NPFFR2: variants seen among roughly 807,000 people sequenced by gnomAD.
NPFFR2 encodes the protein G-protein coupled receptor 74.
Under a neutral mutation model 13.1 loss-of-function variants are expected in NPFFR2, and 15 were observed. That is an observed-to-expected ratio of 1.15 (90% CI 0.77 to 1.76). The LOEUF is 1.76. Ranked by LOEUF, NPFFR2 falls within the 40% of genes most tolerant of loss-of-function variation. The pLI is 0.00. For synonymous variants in NPFFR2, 190 were observed against 175.7 expected (o/e 1.08, Z -0.65); for missense variants, 572 against 503.5 (o/e 1.14, Z -1.30).
intron 2 of NPFFR2, among the ~76,000 whole-genome samples, chr4:72,135,868 TATG>T (rs1722393990): frequency 6.6e-6 from 1 of 152,100 alleles, no homozygotes; most frequent in East Asian, 1.9e-4. Flanking sequence ...ATGGGGTACA[TATG>T]ATGTTTTGAT....
Position 72,127,441 on chromosome 4 carries a change from G to C in NPFFR2, c.-7-1144G>C, listed in dbSNP as rs1447879760. Among the ~76,000 whole-genome samples, 4 of 113,056 alleles carry C rather than the reference G, an allele frequency of 3.5e-5. No individual in the cohort carries two copies. In the East Asian group the frequency reaches 1.0e-3, roughly 30 times the overall value. The allele number at this position is 113,056 out of a possible 152,430, so 74.2% of individuals were successfully genotyped here. Reference sequence around the variant, plus strand: ...TGCAGTGGCGCGATCTCGGCTCACTGCAAGCTCCGCCTCCCGGGTTCACGC... The same window carrying C: ...TGCAGTGGCGCGATCTCGGCTCACTCCAAGCTCCGCCTCCCGGGTTCACGC... On this transcript the variant is annotated intron_variant, in intron 1 of 3. Coordinates refer to ENST00000308744, the MANE Select transcript of NPFFR2 (RefSeq NM_004885.3).
At position 72,032,108 on chromosome 4, in the gene NPFFR2, A is replaced by G. The variant is rs148447621; in HGVS notation, c.-100A>G. On this transcript the variant is annotated 5_prime_UTR_variant, in exon 1 of 4. Transcript: ENST00000308744. ...TGGGATTGAGCCGGCAGACTGCGAA[A>G]AGTAGCTGGAGCCGGAGCAGGGACA... 3.4e-5 allele frequency: 55 copies of G among 1,614,076 alleles called. No homozygotes were observed. In the African/African-American group the frequency reaches 7.1e-4, roughly 21 times the overall value.
intron 1 of NPFFR2, among the ~76,000 whole-genome samples, chr4:72,068,394 T>C (rs1023764667): frequency 9.2e-5 from 14 of 152,198 alleles, no homozygotes; most frequent in Non-Finnish European, 1.5e-4. Flanking sequence ...GCTATTTTTA[T>C]AAAAGGCTTA....
intron 3 of NPFFR2, among the ~76,000 whole-genome samples, chr4:72,144,252 AG>A: frequency 6.6e-6 from 1 of 152,266 alleles, no homozygotes; most frequent in Non-Finnish European, 1.5e-5. Context: ...CTCTCCAGCA[AG>A]GCTACTTGAA....
At chr4:72,055,216 A>T (rs142141997) in intron 1 of NPFFR2, among the ~76,000 whole-genome samples, 122 of 152,108 alleles carry the variant, frequency 8.0e-4, no homozygotes, top group Non-Finnish European at 1.4e-3. Flanking sequence ...CCTTGTATTG[A>T]ACAAGGCTAT....
At chr4:72,041,569 T>G (rs1327299860) in intron 1 of NPFFR2, among the ~76,000 whole-genome samples, 3 of 152,208 alleles carry the variant, frequency 2.0e-5, no homozygotes, top group Non-Finnish European at 4.4e-5. Context: ...TTAAGAGATC[T>G]GCAAACTGTT....
At chr4:72,128,262 A>G (rs1285807959) in intron 1 of NPFFR2, among the ~76,000 whole-genome samples, 2 of 152,046 alleles carry the variant, frequency 1.3e-5, no homozygotes, top group Non-Finnish European at 2.9e-5. Context: ...ACCTGGAGGT[A>G]GAGGGAAGGA....
At chr4:72,047,673 C>A (rs769890696) in intron 1 of NPFFR2, among the ~76,000 whole-genome samples, 15 of 151,552 alleles carry the variant, frequency 9.9e-5, no homozygotes, top group Middle Eastern at 3.2e-3. Flanking sequence ...CTGTTAAGCC[C>A]GAATATTGTG....
rs545142110 is a variant in NPFFR2 at position 72,089,186 on chromosome 4, T to G, written c.-7-39399T>G. Among the ~76,000 whole-genome samples the G allele has an allele frequency of 1.2e-3, 187 of 152,276 alleles. 1 individual carries two copies. The highest frequency in any genetic ancestry group is 2.0e-3 in the Non-Finnish European group (134 of 68,004). ...TTGTTCCTTTTTATGGTGAGTAGTA[T>G]TCTATGGTATATATGTACCACATTT... On this transcript the variant is annotated intron_variant, in intron 1 of 3. Coordinates refer to ENST00000308744, the MANE Select transcript of NPFFR2 (RefSeq NM_004885.3).
At chr4:72,111,251 T>C (rs1338109961) in intron 1 of NPFFR2, among the ~76,000 whole-genome samples, 2 of 152,058 alleles carry the variant, frequency 1.3e-5, no homozygotes, top group Non-Finnish European at 2.9e-5. Flanking sequence ...CATGAAATTA[T>C]CAATTGTGCA....
At chr4:72,048,598 T>A (rs867963292) in intron 1 of NPFFR2, among the ~76,000 whole-genome samples, 21 of 152,224 alleles carry the variant, frequency 1.4e-4, no homozygotes, top group African/African-American at 4.3e-4. Context: ...ACATCTATAT[T>A]AACTATTCAC....
At chr4:72,098,669 T>C (rs1434928213) in intron 1 of NPFFR2, among the ~76,000 whole-genome samples, 1 of 152,118 alleles carries the variant, frequency 6.6e-6, no homozygotes, top group East Asian at 1.9e-4. Flanking sequence ...TCATCCAAGT[T>C]GGAGGTGGGC....
At position 72,147,776 on chromosome 4, in the gene NPFFR2, A is replaced by T. The variant is rs531627431; in HGVS notation, c.1227A>T (p.Glu409Asp). ...AEKPQQELVM[E>D]ELKETTNSSE... ...AACCCCAACAGGAATTAGTGATGGAAGAATTAAAAGAAACTACTAACAGCA... is the reference window on the plus strand; with the variant it reads ...AACCCCAACAGGAATTAGTGATGGATGAATTAAAAGAAACTACTAACAGCA... Residue 409 changes from glutamate to aspartate, a missense_variant, in exon 4 of 4, where the codon GAA becomes GAT. Coordinates refer to ENST00000308744, the MANE Select transcript of NPFFR2 (RefSeq NM_004885.3). The T allele has an allele frequency of 6.3e-7, 1 of 1,584,714 alleles. No individual in the cohort carries two copies. Among genetic ancestry groups the T allele is most frequent in the Non-Finnish European group, 8.5e-7 (1 of 1,172,328 alleles).
chr4:72,123,753 G>T (rs1721959130), intron 1 of NPFFR2, among the ~76,000 whole-genome samples: 1 of 152,146 alleles, frequency 6.6e-6, no homozygotes, highest in Admixed American at 6.5e-5. Flanking sequence ...AGATATTGAT[G>T]GAATGTATCT....
intron 1 of NPFFR2, among the ~76,000 whole-genome samples, chr4:72,041,830 T>G (rs967296070): frequency 6.4e-4 from 97 of 152,338 alleles, no homozygotes; most frequent in Non-Finnish European, 2.6e-4. Context: ...TATGTTCACT[T>G]TTTAATGGAG....
At chr4:72,076,509 G>C (rs989166950) in intron 1 of NPFFR2, among the ~76,000 whole-genome samples, 1 of 152,024 alleles carries the variant, frequency 6.6e-6, no homozygotes, top group Non-Finnish European at 1.5e-5. Context: ...GCCCAAGAAA[G>C]ACATCATGAT....
At chr4:72,081,181 C>T (rs1720607150) in intron 1 of NPFFR2, among the ~76,000 whole-genome samples, 1 of 152,184 alleles carries the variant, frequency 6.6e-6, no homozygotes, top group African/African-American at 2.4e-5. Flanking sequence ...AAAGTATCTA[C>T]AGTCCCATTG....
intron 1 of NPFFR2, among the ~76,000 whole-genome samples, chr4:72,086,968 C>G (rs1720789817): frequency 6.6e-6 from 1 of 152,006 alleles, no homozygotes; most frequent in Non-Finnish European, 1.5e-5. Flanking sequence ...TTTGTCAAGT[C>G]TGTAATATCT....
intron 1 of NPFFR2, among the ~76,000 whole-genome samples, chr4:72,055,774 T>TAA (rs1719725884): frequency 1.3e-5 from 2 of 151,882 alleles, no homozygotes; most frequent in Non-Finnish European, 1.5e-5. Context: ...GAAAGCAAAA[T>TAA]AGCTTTATGG....
Sources: gnomAD v4.1 joint callset for allele counts (sites outside exome capture counted in the v4.1 genomes callset) on GRCh38, gnomAD v4.1.1 for gene constraint, MANE v1.5 for transcripts, NCBI Gene and HGNC (gene_info 2026-07-23, HGNC 2026-07-21) for gene names.